The following DLG2 variants were observed in gnomAD, a reference collection of about 807,000 sequenced individuals.
The protein encoded by DLG2 is disks large homolog 2.
DLG2 carries 45 observed loss-of-function variants against 132.5 expected under a neutral mutation model. That is an observed-to-expected ratio of 0.34 (90% CI 0.27 to 0.44). DLG2 has a LOEUF of 0.44. DLG2 is among the 20% of genes least tolerant of loss of function. The probability of loss-of-function intolerance (pLI) is 1.00; values close to 1 mark genes in which losing one functional copy is unlikely to be tolerated. For synonymous variants in DLG2, 424 were observed against 419.6 expected, an observed-to-expected ratio of 1.01 and a Z score of -0.13; for missense variants, 1,045 against 1,196.9, an observed-to-expected ratio of 0.87 and a Z score of 1.87.
chr11:84,854,443 T>C (rs941858555), intron 6 of DLG2, among the ~76,000 whole-genome samples: 2 of 152,004 alleles, frequency 1.3e-5, no homozygotes, highest in African/African-American at 4.8e-5. Context: ...TAGCAGATGA[T>C]GCTACCACCA....
intron 8 of DLG2, among the ~76,000 whole-genome samples, chr11:84,239,599 G>A (rs1008240353): frequency 6.6e-6 from 1 of 152,058 alleles, no homozygotes; most frequent in African/African-American, 2.4e-5. Context: ...AATGGCCAAT[G>A]GCCATCATTT....
intron 6 of DLG2, among the ~76,000 whole-genome samples, chr11:84,614,248 G>C (rs1209739962): frequency 6.6e-6 from 1 of 152,124 alleles, no homozygotes; most frequent in Non-Finnish European, 1.5e-5. Flanking sequence ...AATAGAGGCT[G>C]GGAAGATTGG....
At chr11:85,605,675 CAG>C (rs2080477169) in intron 2 of DLG2, among the ~76,000 whole-genome samples, 1 of 152,068 alleles carries the variant, frequency 6.6e-6, no homozygotes, top group Non-Finnish European at 1.5e-5. Context: ...AAGATTAAAA[CAG>C]AGTATAAGAA....
intron 17 of DLG2, among the ~76,000 whole-genome samples, chr11:83,797,111 A>G (rs2043007536): frequency 6.6e-6 from 1 of 152,162 alleles, no homozygotes; most frequent in Admixed American, 6.5e-5. Context: ...GGAGGCACAT[A>G]TGGAGGGCTG....
chr11:84,194,313 T>A (rs991660432), intron 8 of DLG2, among the ~76,000 whole-genome samples: 1 of 152,140 alleles, frequency 6.6e-6, no homozygotes, highest in Non-Finnish European at 1.5e-5. Flanking sequence ...CCTCTGGAGT[T>A]TGTTCCTTCA....
intron 16 of DLG2, among the ~76,000 whole-genome samples, chr11:83,858,416 G>GA (rs1334709102): frequency 6.6e-6 from 1 of 152,076 alleles, no homozygotes; most frequent in African/African-American, 2.4e-5. Flanking sequence ...AATTGAAAAA[G>GA]AAAAAATCAG....
At chr11:85,425,622 C>CA (rs1338735054) in intron 3 of DLG2, among the ~76,000 whole-genome samples, 5 of 151,772 alleles carry the variant, frequency 3.3e-5, no homozygotes, top group African/African-American at 9.7e-5. Flanking sequence ...AAACGTACAC[C>CA]AAAAAATAAT....
intron 7 of DLG2, among the ~76,000 whole-genome samples, chr11:84,318,106 C>G (rs1402726395): frequency 6.6e-6 from 1 of 152,112 alleles, no homozygotes; most frequent in Non-Finnish European, 1.5e-5. Context: ...AAAGATGCAT[C>G]CAACTCTGCC....
At chr11:83,674,237 G>A (rs528809691) in intron 18 of DLG2, among the ~76,000 whole-genome samples, 2 of 152,258 alleles carry the variant, frequency 1.3e-5, no homozygotes, top group African/African-American at 2.4e-5. Flanking sequence ...AGCACTCAGC[G>A]GGCCCAGGGT....
At chr11:84,775,796 G>A (rs1304202482) in intron 6 of DLG2, among the ~76,000 whole-genome samples, 1 of 152,110 alleles carries the variant, frequency 6.6e-6, no homozygotes, top group East Asian at 1.9e-4. Flanking sequence ...TGGGTACTAT[G>A]CTTGCTCTTT....
At chr11:85,386,256 AACTT>A (rs1477479082) in intron 3 of DLG2, among the ~76,000 whole-genome samples, 3 of 152,202 alleles carry the variant, frequency 2.0e-5, no homozygotes, top group Non-Finnish European at 2.9e-5. Flanking sequence ...TTCATATGTT[AACTT>A]ACTTAGCCCT....
intron 7 of DLG2, among the ~76,000 whole-genome samples, chr11:84,322,792 G>T (rs1372120347): frequency 6.6e-6 from 1 of 152,026 alleles, no homozygotes; most frequent in Non-Finnish European, 1.5e-5. Flanking sequence ...GTTTCACCAT[G>T]TTGGCCAGGC....
At chr11:84,299,116 C>T (rs547950799) in intron 7 of DLG2, among the ~76,000 whole-genome samples, 2 of 152,230 alleles carry the variant, frequency 1.3e-5, no homozygotes, top group African/African-American at 4.8e-5. Context: ...TTTGAAAAAT[C>T]CTAGGATAAA....
intron 6 of DLG2, among the ~76,000 whole-genome samples, chr11:85,004,308 A>G (rs2058456787): frequency 6.6e-6 from 1 of 152,174 alleles, no homozygotes; most frequent in Admixed American, 6.5e-5. Flanking sequence ...GCCTTCCACA[A>G]CGGTTGAACT....
At chr11:85,124,173 T>C (rs1476171298) in intron 5 of DLG2, among the ~76,000 whole-genome samples, 2 of 152,272 alleles carry the variant, frequency 1.3e-5, no homozygotes, top group Non-Finnish European at 2.9e-5. Context: ...ATGTTGGCAC[T>C]AGCTACTCCC....
chr11:84,141,404 A>T (rs1044017129), intron 9 of DLG2, among the ~76,000 whole-genome samples: 2 of 152,068 alleles, frequency 1.3e-5, no homozygotes, highest in Non-Finnish European at 2.9e-5. Context: ...ATATTTGTAC[A>T]TATATGTTTA....
chr11:85,357,238 T>TTGTGTGTGTGTGTGTGTG (rs71036472), intron 3 of DLG2, among the ~76,000 whole-genome samples: 2 of 118,128 alleles, frequency 1.7e-5, no homozygotes, highest in African/African-American at 6.4e-5. Flanking sequence ...AATATCCTCT[T>TTGTGTGTGTGTGTGTGTG]TGTGTGTGTG....
At chr11:84,590,576 A>G (rs1157621588) in intron 6 of DLG2, among the ~76,000 whole-genome samples, 1 of 152,158 alleles carries the variant, frequency 6.6e-6, no homozygotes, top group Admixed American at 6.6e-5. Flanking sequence ...TAGGGGTGAG[A>G]GATAATGGCT....
At chr11:85,460,472 T>G (rs567708341) in intron 3 of DLG2, among the ~76,000 whole-genome samples, 1 of 152,330 alleles carries the variant, frequency 6.6e-6, no homozygotes, top group Non-Finnish European at 1.5e-5. Flanking sequence ...TGTGGGAGCC[T>G]ACTCTGGCTC....
Sources: allele counts gnomAD v4.1 joint callset (sites outside exome capture counted in the v4.1 genomes callset), GRCh38; gene constraint gnomAD v4.1.1; transcripts MANE v1.5; gene names NCBI Gene and HGNC (gene_info 2026-07-23, HGNC 2026-07-21).